The following PFKM variants were observed in gnomAD, a reference collection of about 807,000 sequenced individuals.
PFKM encodes ATP-dependent 6-phosphofructokinase, muscle type.
A neutral mutation model predicts 95.5 loss-of-function variants in PFKM; 58 were observed. The observed-to-expected ratio is 0.61, with a 90% CI of 0.49 to 0.76. The LOEUF is 0.76. Among genes scored for constraint, PFKM ranks in the 30% least tolerant of loss-of-function variants. The pLI is 0.00. For synonymous variants in PFKM, 336 were observed against 357.2 expected, an observed-to-expected ratio of 0.94 and a Z score of 0.67; for missense variants, 678 against 1,005.4, an observed-to-expected ratio of 0.67 and a Z score of 4.40.
chr12:48,132,812 A>T, intron 4 of PFKM, 56 bp from the exon 5 acceptor site: 1 of 1,422,008 alleles, frequency 7.0e-7, no homozygotes, highest in Non-Finnish European at 9.8e-7. Flanking sequence ...GGAATAGGGG[A>T]TATCTCAGCA....
intron 2 of PFKM, among the ~76,000 whole-genome samples, chr12:48,124,770 T>C (rs1445502830): frequency 6.6e-6 from 1 of 152,004 alleles, no homozygotes; most frequent in Non-Finnish European, 1.5e-5. Context: ...TCACTAGGGA[T>C]TGAGAGTGAT....
Position 48,145,180 on chromosome 12 carries a change from T to C in PFKM, c.2093-30T>C, listed in dbSNP as rs750240493. 2 of 1,612,346 alleles carry C rather than the reference T, an allele frequency of 1.2e-6. No homozygotes were observed. The highest frequency in any genetic ancestry group is 1.1e-5 in the South Asian group (1 of 91,064). ...CTCTATAGAGGCTGGTTCCCCAGTA[T>C]AGAAGCTGACTGCCCATCCCTCATT... On this transcript the variant is annotated intron_variant, in intron 21 of 22. Transcript: ENST00000359794. The surrounding 1 kb of genome is among the most constrained non-coding windows in gnomAD (Gnocchi z 4.3).
chr12:48,131,928 T>A, intron 4 of PFKM: 1 of 441,154 alleles, frequency 2.3e-6, no homozygotes, highest in Non-Finnish European at 4.5e-6. Context: ...GTGTATCCAC[T>A]GTGGGCTAGC....
Position 48,142,019 on chromosome 12 carries a change from TC to T in PFKM, c.1607del (p.Ser536Ter), listed in dbSNP as rs866260025. ...PATVSNNVPG[S>X]DFSVGADTAL... Reference sequence around the variant, plus strand: ...TACAGTCTCCAACAATGTCCCTGGCTCAGACTTCAGCGTTGGGGCTGACACA... The same window carrying T: ...TACAGTCTCCAACAATGTCCCTGGCTAGACTTCAGCGTTGGGGCTGACACA... On this transcript the variant is annotated frameshift_variant, in exon 17 of 23. Coordinates refer to ENST00000359794, the MANE Select transcript of PFKM (RefSeq NM_000289.6). LOFTEE classifies it high-confidence loss of function. 1.9e-6 allele frequency: 3 copies of T among 1,614,216 alleles called. No individual in the cohort carries two copies. Among genetic ancestry groups the T allele is most frequent in the Non-Finnish European group, 2.5e-6 (3 of 1,180,022 alleles).
chr12:48,118,419 T>C, upstream of PFKM: 1 of 839,334 alleles, frequency 1.2e-6, no homozygotes. Flanking sequence ...CAAATGCTTT[T>C]ATTTTGTGTA....
chr12:48,128,198 C>G lies in PFKM; in HGVS notation c.86-2165C>G, dbSNP rs1000636607. 2.0e-5 allele frequency among the ~76,000 whole-genome samples: 3 copies of G among 152,254 alleles called. No individual in the cohort carries two copies. The South Asian group carries it at 6.2e-4, about 32-fold the overall frequency. On this transcript the variant is annotated intron_variant, in intron 2 of 22. Coordinates refer to ENST00000359794, the MANE Select transcript of PFKM (RefSeq NM_000289.6). ...GACAAATGCTGTCTTTTCTGTATAACCTTCTCTGACTTCCTTCTGGCAGGC... is the reference window on the plus strand; with the variant it reads ...GACAAATGCTGTCTTTTCTGTATAAGCTTCTCTGACTTCCTTCTGGCAGGC...
intron 15 of PFKM, 44 bp downstream of exon 15, chr12:48,141,425 A>C: frequency 1.3e-6 from 2 of 1,553,310 alleles, no homozygotes; most frequent in Admixed American, 1.7e-5. Context: ...CACCTCTTAA[A>C]GTTGCCCTTG....
At chr12:48,137,072 T>G (rs1280413559) in intron 10 of PFKM, among the ~76,000 whole-genome samples, 1 of 150,956 alleles carries the variant, frequency 6.6e-6, no homozygotes. Flanking sequence ...TTTCTTTTTT[T>G]TTTTTAAGAG....
chr12:48,114,682 A>C (rs184961650), upstream of PFKM, among the ~76,000 whole-genome samples: 190 of 152,268 alleles, frequency 1.2e-3, no homozygotes, highest in South Asian at 0.012. Context: ...ATTTGGGACG[A>C]GTTGCATTGG....
chr12:48,140,602 A>G (rs1291024147), intron 13 of PFKM, 120 bp from the exon 14 acceptor site: 4 of 992,558 alleles, frequency 4.0e-6, no homozygotes, highest in Non-Finnish European at 6.4e-6. Context: ...GTGTTGTCTT[A>G]GGCAGATATC....
intron 11 of PFKM, among the ~76,000 whole-genome samples, chr12:48,139,046 AAAAAT>A (rs1459782712): frequency 1.3e-5 from 2 of 152,256 alleles, no homozygotes; most frequent in South Asian, 2.1e-4. Context: ...GTCTCAAAAA[AAAAAT>A]AAAATAAACA....
In PFKM at chr12:48,137,305, C is replaced by T. The variant is rs373573851; in HGVS notation, c.937-416C>T. 193 of 272,578 alleles carry T rather than the reference C, an allele frequency of 7.1e-4. 1 individual carries two copies. Among genetic ancestry groups the T allele is most frequent in the South Asian group, 6.9e-3 (177 of 25,758 alleles). The allele number at this position is 272,578 out of a possible 1,614,324, so 16.9% of individuals were successfully genotyped here. ...CTTGAACTCCTGACCTCAGGTGATC[C>T]GCCTGCCTTGGCCTCCAAAAATGCT... On this transcript the variant is annotated intron_variant, in intron 10 of 22. Transcript: ENST00000359794.
At position 48,137,760 on chromosome 12, in the gene PFKM, G is replaced by A. The variant is rs1224717437; in HGVS notation, c.976G>A (p.Glu326Lys). 1 of 1,614,160 alleles carries A rather than the reference G, an allele frequency of 6.2e-7. No individual in the cohort carries two copies. Among genetic ancestry groups the A allele is most frequent in the South Asian group, 1.1e-5 (1 of 91,076 alleles). The change falls in exon 11 of 23, where the codon GAG becomes AAG. Residue 326 changes from glutamate to lysine, a missense_variant. By Grantham distance (56) the Glu-to-Lys change is moderately conservative. Transcript: ENST00000359794. Reference sequence around the variant, plus strand: ...TGTGGAAGCAGTGATGGCACTTTTGGAGGGGACCCCAGATACCCCAGCCTG... The same window carrying A: ...TGTGGAAGCAGTGATGGCACTTTTGAAGGGGACCCCAGATACCCCAGCCTG... ...MGVEAVMALL[E>K]GTPDTPACVV...
At chr12:48,111,757 A>T (rs1187679960) in intron 3 of PFKM, among the ~76,000 whole-genome samples, 1 of 152,186 alleles carries the variant, frequency 6.6e-6, no homozygotes, top group East Asian at 1.9e-4. Context: ...AGAGACAGTC[A>T]TGGGGGTCAG....
Position 48,145,631 on chromosome 12 carries a change from G to A in PFKM, c.2266G>A (p.Glu756Lys), listed in dbSNP as rs753649298. The A allele has an allele frequency of 1.4e-5, 23 of 1,613,880 alleles. No individual in the cohort carries two copies. Among genetic ancestry groups the A allele is most frequent in the South Asian group, 1.1e-4 (10 of 91,080 alleles). The change falls in exon 23 of 23, where the codon GAG (glutamate) becomes AAG (lysine). Residue 756 changes from glutamate (E) to lysine (K), a missense_variant. Transcript: ENST00000359794. This position sits in a 1 kb window ranked among gnomAD's most constrained non-coding sequence, Gnocchi z 4.3. ...CATCCTCAAAATCCTAGCCAAGTAC[G>A]AGATTGACTTGGACACTTCAGACCA... ...RPILKILAKY[E>K]IDLDTSDHAH...
In PFKM at chr12:48,140,716, GTA is replaced by G. The variant is rs780969059; in HGVS notation, c.1192-3_1192-2del. Reference sequence around the variant, plus strand: ...TCCTCATTTTTCCCTGCTTCCTCCTGTATAGAGTGGTTCGCACACAGTGGCTG... The same window carrying G: ...TCCTCATTTTTCCCTGCTTCCTCCTGTAGAGTGGTTCGCACACAGTGGCTG... On this transcript the variant is annotated splice_region_variant and splice_polypyrimidine_tract_variant and intron_variant, in intron 13 of 22. Transcript: ENST00000359794. 3.5e-5 allele frequency: 56 copies of G among 1,614,112 alleles called. No individual in the cohort carries two copies. The African/African-American group carries it at 6.7e-4, about 19-fold the overall frequency.
At position 48,133,387 on chromosome 12, in the gene PFKM, A is replaced by G. The variant is rs143485300; in HGVS notation, c.500A>G (p.Asn167Ser). Reference protein sequence around the residue: ...NIVGLVGSIDNDFCGTDMTIG... With the variant: ...NIVGLVGSIDSDFCGTDMTIG... ...GTGGGCCTGGTTGGGTCAATTGACA[A>G]TGACTTCTGTGGCACCGATATGACC... The change falls in exon 6 of 23, where the codon AAT becomes AGT. Residue 167 changes from asparagine (N) to serine (S), a missense_variant. By Grantham distance (46) the Asn-to-Ser change is conservative. Transcript: ENST00000359794. 14 of 1,613,932 alleles carry G rather than the reference A, an allele frequency of 8.7e-6. No individual in the cohort carries two copies. The highest frequency in any genetic ancestry group is 8.0e-5 in the African/African-American group (6 of 75,016).
chr12:48,116,298 TTTC>T (rs1947679401), upstream of PFKM, among the ~76,000 whole-genome samples: 1 of 149,980 alleles, frequency 6.7e-6, no homozygotes, highest in Admixed American at 6.6e-5. Flanking sequence ...TCTTCCTTCC[TTTC>T]TTTTTTTCTT....
chr12:48,140,662 C>T, intron 13 of PFKM, 60 bp from the exon 14 acceptor site: 1 of 1,575,114 alleles, frequency 6.3e-7, no homozygotes, highest in South Asian at 1.1e-5. Context: ...CTTTACTAAC[C>T]TCCTCCCTGT....
Sources: gnomAD v4.1 joint callset for allele counts (sites outside exome capture counted in the v4.1 genomes callset) on GRCh38, gnomAD v4.1.1 for gene constraint, Gnocchi (gnomAD v3.1) non-coding constraint, MANE v1.5 for transcripts, NCBI Gene and HGNC (gene_info 2026-07-23, HGNC 2026-07-21) for gene names.